CCDC88A: variants seen among roughly 807,000 people sequenced by gnomAD.
The protein encoded by CCDC88A is coiled-coil and HOOK domain protein 88A, also known as girdin.
Under a neutral mutation model 234.3 loss-of-function variants are expected in CCDC88A, and 54 were observed. The observed-to-expected ratio is 0.23, with a 90% CI of 0.19 to 0.29. The LOEUF is 0.29. CCDC88A is among the 10% of genes least tolerant of loss of function. The pLI is 1.00. For missense variants in CCDC88A, 1,832 were observed against 2,123.4 expected (o/e 0.86, Z 2.70); for synonymous variants, 753 against 737.8 (o/e 1.02, Z -0.33).
At chr2:55,316,387 T>C (rs1036088483) in intron 21 of CCDC88A, among the ~76,000 whole-genome samples, 5 of 152,136 alleles carry the variant, frequency 3.3e-5, no homozygotes, top group African/African-American at 9.7e-5. Context: ...TTTAAATATG[T>C]TGAAGTATAG....
At chr2:55,418,605 T>A in intron 2 of CCDC88A, 1 of 571,902 alleles carries the variant, frequency 1.7e-6, no homozygotes, top group Non-Finnish European at 3.1e-6. Flanking sequence ...AATGAAAAAC[T>A]AAAGTTTCAC....
intron 3 of CCDC88A, among the ~76,000 whole-genome samples, chr2:55,386,912 T>C (rs1157681576): frequency 6.6e-6 from 1 of 151,700 alleles, no homozygotes; most frequent in Non-Finnish European, 1.5e-5. Context: ...GCACGGCTCA[T>C]GCCTACAATC....
chr2:55,330,434 C>T (rs1312279217), intron 16 of CCDC88A, among the ~76,000 whole-genome samples: 1 of 152,002 alleles, frequency 6.6e-6, no homozygotes, highest in Non-Finnish European at 1.5e-5. Context: ...GATTGTGCCA[C>T]TGCACTCCAA....
intron 3 of CCDC88A, among the ~76,000 whole-genome samples, chr2:55,384,555 A>G: frequency 1.2e-5 from 1 of 86,896 alleles, no homozygotes; most frequent in African/African-American, 6.6e-5. Context: ...ATATGTGTAT[A>G]TATACACATA....
intron 31 of CCDC88A, chr2:55,292,588 A>T (rs528070151): frequency 6.6e-6 from 1 of 152,354 alleles, no homozygotes; most frequent in African/African-American, 2.4e-5. Flanking sequence ...GTTGATAAGA[A>T]CTAGTGTTGT....
At chr2:55,326,384 C>A (rs1461003471) in intron 17 of CCDC88A, among the ~76,000 whole-genome samples, 1 of 152,126 alleles carries the variant, frequency 6.6e-6, no homozygotes, top group Non-Finnish European at 1.5e-5. Flanking sequence ...ACCTCTTTGT[C>A]ATACTAATTT....
intron 18 of CCDC88A, 64 bp from the exon 19 acceptor site, chr2:55,319,068 T>C: frequency 1.5e-6 from 2 of 1,326,156 alleles, no homozygotes; most frequent in Non-Finnish European, 2.1e-6. Context: ...TATGTTTCTA[T>C]AGTATACTGA....
intron 13 of CCDC88A, among the ~76,000 whole-genome samples, chr2:55,338,204 G>C (rs1413385245): frequency 1.3e-5 from 2 of 152,168 alleles, no homozygotes; most frequent in African/African-American, 4.8e-5. Flanking sequence ...AAATAAAACT[G>C]TTCTAAATTC....
chr2:55,388,565 T>C (rs934291978), intron 3 of CCDC88A: 44 of 284,574 alleles, frequency 1.5e-4, no homozygotes, highest in Non-Finnish European at 2.5e-4. Context: ...TAAAATACAA[T>C]AGTCATTTGT....
Position 55,315,949 on chromosome 2 carries a change from G to C in CCDC88A, c.3912C>G (p.Thr1304=). The stretch of plus-strand genomic sequence containing the variant: ...TCACCTCACACTGGTTATTCAGCTT[G>C]GTTGATGTAATATCCAATTGTTGGT... ...EQYQQLDITS[T]KLNNQCELLS... Residue 1304 remains threonine (T), a synonymous_variant, in exon 22 of 33, where the codon ACC becomes ACG. Transcript: ENST00000436346. The C allele has an allele frequency of 3.2e-6, 5 of 1,558,712 alleles. No individual in the cohort carries two copies. In the African/African-American group the frequency reaches 5.5e-5, roughly 17 times the overall value.
intron 2 of CCDC88A, among the ~76,000 whole-genome samples, chr2:55,416,149 G>C (rs1558859059): frequency 6.6e-6 from 1 of 151,638 alleles, no homozygotes; most frequent in Non-Finnish European, 1.5e-5. Flanking sequence ...AGAAGCTAGA[G>C]AAAAGACAGA....
chr2:55,384,547 A>G (rs1204287814), intron 3 of CCDC88A, among the ~76,000 whole-genome samples: 1 of 71,990 alleles, frequency 1.4e-5, no homozygotes, highest in Non-Finnish European at 2.6e-5. Flanking sequence ...ATACGTATAT[A>G]TGTGTATATA....
At chr2:55,401,897 T>TA (rs1016616065) in intron 2 of CCDC88A, among the ~76,000 whole-genome samples, 4 of 152,150 alleles carry the variant, frequency 2.6e-5, no homozygotes, top group African/African-American at 9.7e-5. Flanking sequence ...TGCTTTAATT[T>TA]AAAAACTGCA....
At chr2:55,415,214 T>C (rs4277563) in intron 2 of CCDC88A, among the ~76,000 whole-genome samples, 123,381 of 151,610 alleles carry the variant, frequency 0.81, 51,092 homozygotes, top group Admixed American at 0.9. Flanking sequence ...ACTCAGATGT[T>C]TAGGGTGGGA....
At chr2:55,391,255 C>A (rs1359155720) in intron 2 of CCDC88A, among the ~76,000 whole-genome samples, 1 of 152,108 alleles carries the variant, frequency 6.6e-6, no homozygotes, top group Non-Finnish European at 1.5e-5. Context: ...AAGAACCCCA[C>A]CCCCAACAAA....
intron 3 of CCDC88A, among the ~76,000 whole-genome samples, chr2:55,375,409 CTT>C (rs1673467617): frequency 6.8e-6 from 1 of 146,966 alleles, no homozygotes; most frequent in African/African-American, 2.5e-5. Flanking sequence ...TCTTTTTCTT[CTT>C]GTTAGTTCTC....
chr2:55,295,042 A>G, intron 31 of CCDC88A: 1 of 1,250,218 alleles, frequency 8.0e-7, no homozygotes, highest in South Asian at 1.4e-5. Context: ...TAACATCAAT[A>G]TATTATATTG....
Position 55,295,678 on chromosome 2 carries a change from A to C in CCDC88A, c.5470T>G (p.Phe1824Val), listed in dbSNP as rs781629815. The C allele has an allele frequency of 1.9e-6, 3 of 1,614,228 alleles. No homozygotes were observed. Among genetic ancestry groups the C allele is most frequent in the South Asian group, 1.1e-5 (1 of 91,084 alleles). ...GTTRRTSIHD[F>V]LTKDSRLPIS... ...GGCAGTCTACTGTCCTTGGTCAAAA[A>C]ATCATGGATGCTTGTCCTTCGTGTA... is the stretch of plus-strand genomic sequence containing the variant. The change falls in exon 31 of 33, where the codon TTT becomes GTT. Residue 1824 changes from phenylalanine (F) to valine (V), a missense_variant. Physicochemically the swap from Phe to Val is conservative, Grantham distance 50. Around this residue, in one of 6 missense-constraint regions of CCDC88A, gnomAD observed 422 missense variants for 416.5 expected, o/e 1.01. Transcript: ENST00000436346.
intron 11 of CCDC88A, 70 bp from the exon 12 acceptor site, chr2:55,343,862 T>C (rs1668785200): frequency 8.0e-7 from 1 of 1,255,862 alleles, no homozygotes; most frequent in African/African-American, 1.5e-5. Context: ...AAATACTTTA[T>C]TTCTCACAAC....
Sources: gnomAD v4.1 joint callset for allele counts (sites outside exome capture counted in the v4.1 genomes callset) on GRCh38, gnomAD v4.1.1 for gene constraint, gnomAD v4.1.1 regional missense constraint, MANE v1.5 for transcripts, NCBI Gene and HGNC (gene_info 2026-07-23, HGNC 2026-07-21) for gene names.